The following LARGE1 variants were observed in gnomAD, a reference collection of about 807,000 sequenced individuals.
The protein encoded by LARGE1 is LARGE xylosyl- and glucuronyltransferase 1.
LARGE1 carries 43 observed loss-of-function variants against 87.6 expected under a neutral mutation model. That is an observed-to-expected ratio of 0.49 (90% CI 0.38 to 0.63). LARGE1 has a LOEUF of 0.63. Among genes scored for constraint, LARGE1 ranks in the 30% least tolerant of loss-of-function variants. The pLI is 0.00. For missense variants in LARGE1, 802 were observed against 1,000.2 expected (o/e 0.80, Z 2.67); for synonymous variants, 434 against 394.6 (o/e 1.10, Z -1.18).
chr22:33,379,353 T>C (rs139113868), intron 9 of LARGE1, among the ~76,000 whole-genome samples: 2,540 of 151,974 alleles, frequency 0.017, 71 homozygotes, highest in African/African-American at 0.059. Context: ...CATGTTGGTG[T>C]GCTGCACCCA....
chr22:33,122,914 A>G, the LARGE1 span, among the ~76,000 whole-genome samples: 1 of 152,132 alleles, frequency 6.6e-6, no homozygotes, highest in Non-Finnish European at 1.5e-5. Context: ...ACGGGACCCT[A>G]CTGCTGGTGG....
At chr22:33,757,641 A>G (rs1199867280) in intron 2 of LARGE1, among the ~76,000 whole-genome samples, 1 of 152,196 alleles carries the variant, frequency 6.6e-6, no homozygotes, top group Non-Finnish European at 1.5e-5. Flanking sequence ...TGCTCTCAGG[A>G]GGTCCATTGA....
chr22:33,298,928 G>A (rs963227991), intron 12 of LARGE1, among the ~76,000 whole-genome samples: 5 of 144,432 alleles, frequency 3.5e-5, no homozygotes, highest in Non-Finnish European at 6.1e-5. Flanking sequence ...AGAGAGAGAC[G>A]CGGGAAGCAG....
chr22:33,087,691 T>C, the LARGE1 span, among the ~76,000 whole-genome samples: 1 of 152,144 alleles, frequency 6.6e-6, no homozygotes, highest in Non-Finnish European at 1.5e-5. Flanking sequence ...TCCCAGCACT[T>C]TGGGAGGCCA....
At chr22:33,331,784 T>C (rs904304518) in intron 10 of LARGE1, among the ~76,000 whole-genome samples, 5 of 152,120 alleles carry the variant, frequency 3.3e-5, no homozygotes, top group Admixed American at 2.6e-4. Flanking sequence ...GTGATCATGC[T>C]TGTGTTGGCT....
intron 9 of LARGE1, among the ~76,000 whole-genome samples, chr22:33,373,112 A>T (rs1369252914): frequency 6.6e-6 from 1 of 152,332 alleles, no homozygotes; most frequent in East Asian, 1.9e-4. Flanking sequence ...AAAGTTTATG[A>T]AGGATAAATT....
chr22:33,552,140 A>T (rs907093117), intron 6 of LARGE1, among the ~76,000 whole-genome samples: 1 of 152,244 alleles, frequency 6.6e-6, no homozygotes, highest in Admixed American at 6.5e-5. Flanking sequence ...ATTAAAGAGC[A>T]TAACTTGTGC....
chr22:33,822,010 A>C (rs1038083963), intron 1 of LARGE1, among the ~76,000 whole-genome samples: 7 of 148,156 alleles, frequency 4.7e-5, no homozygotes, highest in Admixed American at 4.7e-4. Context: ...AGTTTTAACT[A>C]AGTGAAAAGA....
rs566591011 is a variant in LARGE1 at position 33,568,978 on chromosome 22, GAGA to G, written c.616-3962_616-3960del. ...AGCTCTAAGAGTCAGAATTTGCCAG[GAGA>G]AGGTTTGTGTTCTTTCCCCAAACTA... On this transcript the variant is annotated intron_variant, in intron 5 of 14. Coordinates refer to ENST00000397394, the MANE Select transcript of LARGE1 (RefSeq NM_133642.5). 7.7e-4 allele frequency among the ~76,000 whole-genome samples: 117 copies of G among 152,188 alleles called. 2 individuals are homozygous for G. The highest frequency in any genetic ancestry group is 2.6e-3 in the African/African-American group (110 of 41,546).
chr22:33,872,465 T>C (rs1169333942), intron 1 of LARGE1, among the ~76,000 whole-genome samples: 2 of 151,646 alleles, frequency 1.3e-5, no homozygotes, highest in African/African-American at 4.8e-5. Flanking sequence ...GCAGCTGCTA[T>C]CCATCGTCAT....
rs239324 is a variant in LARGE1, at chr22:33,729,732, A to G, written c.106+31639T>C. Among the ~76,000 whole-genome samples, 533 of 152,378 alleles carry G rather than the reference A, an allele frequency of 3.5e-3. 3 individuals carry two copies. The highest frequency in any genetic ancestry group is 0.012 in the African/African-American group (500 of 41,600). On this transcript the variant is annotated intron_variant, in intron 2 of 14. Coordinates refer to ENST00000397394, the MANE Select transcript of LARGE1 (RefSeq NM_133642.5). The stretch of plus-strand genomic sequence containing the variant: ...TCAACAACAGGAACACAGGATGGAC[A>G]TGGCCCTAGCCCCTTCCCTAAGCCT...
chr22:33,711,403 T>C (rs1324258389), intron 2 of LARGE1, among the ~76,000 whole-genome samples: 2 of 152,188 alleles, frequency 1.3e-5, no homozygotes, highest in Admixed American at 6.5e-5. Context: ...TCTTCACACT[T>C]TCGTTCAAAT....
chr22:33,669,649 G>A (rs2081354486), intron 2 of LARGE1, among the ~76,000 whole-genome samples: 1 of 152,198 alleles, frequency 6.6e-6, no homozygotes, highest in Non-Finnish European at 1.5e-5. Context: ...GTGGGATAAA[G>A]CCCAAGATCT....
chr22:33,230,175 C>G (rs981477709), intron 11 of LARGE1, among the ~76,000 whole-genome samples: 3 of 151,894 alleles, frequency 2.0e-5, no homozygotes, highest in Admixed American at 2.0e-4. Flanking sequence ...CCACGCCCAG[C>G]TAATTTTTGT....
intron 2 of LARGE1, among the ~76,000 whole-genome samples, chr22:33,744,816 T>C (rs576585351): frequency 1.1e-4 from 17 of 152,274 alleles, no homozygotes; most frequent in African/African-American, 3.6e-4. Flanking sequence ...CAAGATGCAC[T>C]GTATATATGG....
chr22:33,752,696 C>A (rs761448897), intron 2 of LARGE1, among the ~76,000 whole-genome samples: 3 of 152,186 alleles, frequency 2.0e-5, no homozygotes, highest in Non-Finnish European at 2.9e-5. Flanking sequence ...CACACCATCT[C>A]TGCTCTGTCC....
chr22:33,631,749 A>G (rs1201650589), intron 3 of LARGE1, among the ~76,000 whole-genome samples: 1 of 152,244 alleles, frequency 6.6e-6, no homozygotes. Flanking sequence ...CACTGGTAAC[A>G]CAGCCATTTT....
At chr22:33,108,509 A>G in the LARGE1 span, 1 of 152,104 alleles carries the variant, frequency 6.6e-6, no homozygotes, top group Non-Finnish European at 1.5e-5. Flanking sequence ...AGAGTCACAG[A>G]GACCTGGGTG....
intron 1 of LARGE1, among the ~76,000 whole-genome samples, chr22:33,842,129 G>T (rs1265899088): frequency 6.6e-6 from 1 of 152,210 alleles, no homozygotes; most frequent in Non-Finnish European, 1.5e-5. Context: ...CATCTAGAAA[G>T]TCAGAACACT....
Sources: allele counts gnomAD v4.1 joint callset (sites outside exome capture counted in the v4.1 genomes callset), GRCh38; gene constraint gnomAD v4.1.1; transcripts MANE v1.5; gene names NCBI Gene and HGNC (gene_info 2026-07-23, HGNC 2026-07-21).